FIGN: variants seen among roughly 807,000 people sequenced by gnomAD.
The protein encoded by FIGN is fidgetin, microtubule severing factor, also known as fidgetin.
FIGN carries 11 observed loss-of-function variants against 51.3 expected under a neutral mutation model. That is an observed-to-expected ratio of 0.21 (90% confidence interval 0.13 to 0.35). The LOEUF is 0.35. Ranked by LOEUF, FIGN falls within the 10% of genes least tolerant of loss-of-function variation. The pLI is 1.00. For synonymous variants in FIGN, 407 were observed against 363.2 expected (o/e 1.12, Z -1.37); for missense variants, 857 against 943.6 (o/e 0.91, Z 1.20).
At chr2:163,643,097 A>AG (rs1683328468) in intron 2 of FIGN, among the ~76,000 whole-genome samples, 4 of 152,188 alleles carry the variant, frequency 2.6e-5, no homozygotes. Flanking sequence ...ATTTAAAAAA[A>AG]GCAGGAGGAG....
chr2:163,729,195 T>C (rs1684888405), intron 2 of FIGN, among the ~76,000 whole-genome samples: 1 of 152,068 alleles, frequency 6.6e-6, no homozygotes, highest in African/African-American at 2.4e-5. Context: ...ACAAAATAGG[T>C]ATATACATAC....
At chr2:163,643,684 T>C (rs1431075818) in intron 2 of FIGN, among the ~76,000 whole-genome samples, 3 of 147,750 alleles carry the variant, frequency 2.0e-5, no homozygotes, top group Non-Finnish European at 4.5e-5. Flanking sequence ...CCGGGCACAG[T>C]GGCTCATGCC....
At chr2:163,729,893 A>G (rs1430862420) in intron 2 of FIGN, among the ~76,000 whole-genome samples, 1 of 152,250 alleles carries the variant, frequency 6.6e-6, no homozygotes, top group Non-Finnish European at 1.5e-5. Flanking sequence ...AAGTGTCAAT[A>G]TTCAAATAAC....
chr2:163,654,963 C>T (rs375547700), intron 2 of FIGN, among the ~76,000 whole-genome samples: 1 of 152,096 alleles, frequency 6.6e-6, no homozygotes, highest in African/African-American at 2.4e-5. Context: ...CACTTCAGCC[C>T]GGGATGGGAA....
chr2:163,705,066 A>C (rs1181136017), intron 2 of FIGN, among the ~76,000 whole-genome samples: 1 of 152,124 alleles, frequency 6.6e-6, no homozygotes, highest in African/African-American at 2.4e-5. Context: ...ACTTTATAAC[A>C]CTTCTAAATG....
intron 2 of FIGN, among the ~76,000 whole-genome samples, chr2:163,659,495 C>G (rs1243387169): frequency 6.6e-6 from 1 of 152,032 alleles, no homozygotes; most frequent in Non-Finnish European, 1.5e-5. Context: ...CAGATAGAGC[C>G]CTCGAAGGGC....
intron 2 of FIGN, among the ~76,000 whole-genome samples, chr2:163,718,689 T>A (rs1425084725): frequency 5.9e-5 from 9 of 152,198 alleles, no homozygotes. Flanking sequence ...GAACTCAATA[T>A]ACTGCCCATT....
intron 2 of FIGN, among the ~76,000 whole-genome samples, chr2:163,628,445 T>G (rs1341960577): frequency 6.6e-6 from 1 of 152,166 alleles, no homozygotes; most frequent in African/African-American, 2.4e-5. Flanking sequence ...TATATGTCTA[T>G]GCATGGGGGG....
chr2:163,646,842 T>C (rs779549918), intron 2 of FIGN, among the ~76,000 whole-genome samples: 6 of 152,220 alleles, frequency 3.9e-5, no homozygotes, highest in Non-Finnish European at 7.3e-5. Context: ...AACACAGTGA[T>C]GTTTAGCAGA....
Position 163,611,643 on chromosome 2 carries a change from A to C in FIGN, c.189T>G (p.Thr63=). Residue 63 remains threonine, a synonymous_variant, in exon 3 of 3, where the codon ACT becomes ACG. Coordinates refer to ENST00000333129, the MANE Select transcript of FIGN (RefSeq NM_018086.4). ...AWANDDISAL[T]ASNLLKKYAE... ...CATATTTTTTTAGTAGGTTGGATGCAGTCAGAGCAGATATGTCATCATTCG... is the reference window on the plus strand; with the variant it reads ...CATATTTTTTTAGTAGGTTGGATGCCGTCAGAGCAGATATGTCATCATTCG... 6.2e-7 allele frequency: 1 copy of C among 1,614,190 alleles called. No homozygotes were observed. Among genetic ancestry groups the C allele is most frequent in the Non-Finnish European group, 8.5e-7 (1 of 1,180,022 alleles).
At chr2:163,723,656 A>G (rs1161083229) in intron 2 of FIGN, among the ~76,000 whole-genome samples, 1 of 152,338 alleles carries the variant, frequency 6.6e-6, no homozygotes, top group Non-Finnish European at 1.5e-5. Flanking sequence ...ACAGGAAAAA[A>G]GTATTGCTTT....
At chr2:163,644,965 G>A (rs1248859094) in intron 2 of FIGN, among the ~76,000 whole-genome samples, 1 of 152,130 alleles carries the variant, frequency 6.6e-6, no homozygotes, top group Non-Finnish European at 1.5e-5. Flanking sequence ...AAAGGGTACA[G>A]TGTTTCTATC....
Position 163,610,223 on chromosome 2 carries a change from T to G in FIGN, c.1609A>C (p.Arg537=), listed in dbSNP as rs1220145280. Reference sequence around the variant, plus strand: ...GCCCCCAGCTGACTAGCGATGCATCTGCCCAATAATGTTTTGCCTGTCCCC... The same window carrying G: ...GCCCCCAGCTGACTAGCGATGCATCGGCCCAATAATGTTTTGCCTGTCCCC... ...PRGTGKTLLG[R]CIASQLGATF... Residue 537 remains arginine, a synonymous_variant, in exon 3 of 3, where the codon AGA becomes CGA. Transcript: ENST00000333129. 5 of 1,614,134 alleles carry G rather than the reference T, an allele frequency of 3.1e-6. No homozygotes were observed. The highest frequency in any genetic ancestry group is 4.2e-6 in the Non-Finnish European group (5 of 1,180,010).
chr2:163,689,101 A>G (rs1333049549), intron 2 of FIGN, among the ~76,000 whole-genome samples: 2 of 151,892 alleles, frequency 1.3e-5, no homozygotes, highest in African/African-American at 4.8e-5. Flanking sequence ...TCGAGGCTGC[A>G]GTGAGCCATG....
chr2:163,609,504 A>ATG lies in FIGN; in HGVS notation c.*46_*47dup. On this transcript the variant is annotated 3_prime_UTR_variant, in exon 3 of 3. Coordinates refer to ENST00000333129, the MANE Select transcript of FIGN (RefSeq NM_018086.4). ...CTCTATTCCCTATGTAGCAGGTTTT[A>ATG]TGTGTGTGTGCCAACATTCATTACA... is the stretch of plus-strand genomic sequence containing the variant. 5 of 1,517,484 alleles carry ATG rather than the reference A, an allele frequency of 3.3e-6. No homozygotes were observed. The South Asian group carries it at 6.2e-5, about 19-fold the overall frequency. 94.0% of individuals were successfully genotyped at this position (1,517,484 alleles called of 1,614,324 possible).
intron 2 of FIGN, chr2:163,616,996 C>A (rs1682888958): frequency 5.1e-6 from 3 of 585,636 alleles, no homozygotes; most frequent in Non-Finnish European, 6.5e-6. Flanking sequence ...TACTTATTAT[C>A]ATTCTTCAAT....
chr2:163,632,175 A>G (rs551408238), intron 2 of FIGN, among the ~76,000 whole-genome samples: 1 of 152,172 alleles, frequency 6.6e-6, no homozygotes, highest in East Asian at 1.9e-4. Flanking sequence ...TAAAAAATAT[A>G]TTTAAGGTAT....
intron 2 of FIGN, among the ~76,000 whole-genome samples, chr2:163,658,115 G>A (rs918558238): frequency 7.2e-5 from 11 of 152,138 alleles, no homozygotes; most frequent in Non-Finnish European, 1.3e-4. Flanking sequence ...GGAATAAGTT[G>A]TTGTCTGCGG....
At chr2:163,624,950 A>T (rs1683032704) in intron 2 of FIGN, among the ~76,000 whole-genome samples, 1 of 151,898 alleles carries the variant, frequency 6.6e-6, no homozygotes, top group Admixed American at 6.6e-5. Flanking sequence ...AAGCTCCATG[A>T]ATTGGTTGCT....
Sources: gnomAD v4.1 joint callset for allele counts (sites outside exome capture counted in the v4.1 genomes callset) on GRCh38, gnomAD v4.1.1 for gene constraint, MANE v1.5 for transcripts, NCBI Gene and HGNC (gene_info 2026-07-23, HGNC 2026-07-21) for gene names.